The following MAP4K1 variants were observed in gnomAD, a reference collection of about 807,000 sequenced individuals.
The protein encoded by MAP4K1 is MAPK/ERK kinase kinase kinase 1.
In MAP4K1, 35 loss-of-function variants were observed where a neutral mutation model predicts 122.8. That is an observed-to-expected ratio of 0.29 (90% confidence interval 0.22 to 0.38). MAP4K1 has a LOEUF of 0.38. Among genes scored for constraint, MAP4K1 ranks in the 10% least tolerant of loss-of-function variants. The pLI is 1.00. For missense variants in MAP4K1, 791 were observed against 1,072.6 expected, an observed-to-expected ratio of 0.74 and a Z score of 3.67; for synonymous variants, 412 against 421.3, an observed-to-expected ratio of 0.98 and a Z score of 0.27.
rs776455319 is a variant in MAP4K1, at chr19:38,617,815, C to T, written c.81G>A (p.Thr27=). ...TCCTCACCTTAAAGACTTCCCCATA[C>T]GTGCCGCCACCCAGCCGCTGTAGCA... ...YDLLQRLGGG[T]YGEVFKARDK... Residue 27 remains threonine (T), a synonymous_variant, in exon 1 of 31, where the codon ACG becomes ACA. Transcript: ENST00000396857. The surrounding 1 kb of genome is among the most constrained non-coding windows in gnomAD (Gnocchi z 4.1). The T allele has an allele frequency of 2.5e-6, 4 of 1,614,104 alleles. No homozygotes were observed. Among genetic ancestry groups the T allele is most frequent in the South Asian group, 2.2e-5 (2 of 91,080 alleles).
At chr19:38,590,809 G>A (rs1015752310) in intron 30 of MAP4K1, among the ~76,000 whole-genome samples, 6 of 151,926 alleles carry the variant, frequency 3.9e-5, no homozygotes, top group Non-Finnish European at 7.4e-5. Context: ...TGAATTAGAA[G>A]GTTGTGATGT....
chr19:38,596,448 G>A lies in MAP4K1; in HGVS notation c.1980C>T (p.Phe660=), dbSNP rs1481216756. ...LFPLPTPLSV[F]ALLTGPGSEL... ...CAGAGCCTGGCCCGGTCAGCAGCGC[G>A]AACACGGACAGAGGCGTCGGCAGTG... Residue 660 remains phenylalanine, a synonymous_variant, in exon 26 of 31, where the codon TTC becomes TTT. Transcript: ENST00000396857. 2.5e-6 allele frequency: 4 copies of A among 1,585,996 alleles called. No homozygotes were observed. Among genetic ancestry groups the A allele is most frequent in the African/African-American group, 2.7e-5 (2 of 74,638 alleles).
intron 29 of MAP4K1, among the ~76,000 whole-genome samples, chr19:38,594,659 C>T (rs569879887): frequency 5.3e-5 from 8 of 149,898 alleles, no homozygotes; most frequent in Non-Finnish European, 7.4e-5. Flanking sequence ...ATAAAAATGG[C>T]CAGGAGTGGT....
intron 20 of MAP4K1, 108 bp from the exon 21 acceptor site, chr19:38,600,261 CTAT>C: frequency 1.1e-6 from 1 of 878,034 alleles, no homozygotes. Context: ...CTCTGACCCT[CTAT>C]TCTTTCTCCA....
intron 30 of MAP4K1, among the ~76,000 whole-genome samples, chr19:38,592,955 C>G (rs562858335): frequency 6.7e-6 from 1 of 149,156 alleles, no homozygotes; most frequent in East Asian, 1.9e-4. Flanking sequence ...AAAAGAATTG[C>G]TGGGCATGGT....
At position 38,612,758 on chromosome 19, in the gene MAP4K1, C is replaced by T. The variant is rs748568223; in HGVS notation, c.534-16G>A. Reference sequence around the variant, plus strand: ...CGGAGCCATCCTGGGGGCAGACACGCTCAGAGAGCCAGAGGTGGCATGGGG... The same window carrying T: ...CGGAGCCATCCTGGGGGCAGACACGTTCAGAGAGCCAGAGGTGGCATGGGG... On this transcript the variant is annotated splice_polypyrimidine_tract_variant and intron_variant, in intron 8 of 30. Coordinates refer to ENST00000396857, the MANE Select transcript of MAP4K1 (RefSeq NM_001042600.3). 2.5e-6 allele frequency: 4 copies of T among 1,611,600 alleles called. No individual in the cohort carries two copies. The highest frequency in any genetic ancestry group is 3.4e-6 in the Non-Finnish European group (4 of 1,179,022).
At position 38,617,429 on chromosome 19, in the gene MAP4K1, G is replaced by A. The variant is rs1205949069; in HGVS notation, c.173C>T (p.Thr58Ile). 1 of 1,612,928 alleles carries A rather than the reference G, an allele frequency of 6.2e-7. No homozygotes were observed. Among genetic ancestry groups the A allele is most frequent in the African/African-American group, 1.3e-5 (1 of 74,848 alleles). Reference protein sequence around the residue: ...VKMEPDDDVSTLQKEILILKT... With the variant: ...VKMEPDDDVSILQKEILILKT... The stretch of plus-strand genomic sequence containing the variant: ...CAATATGAGGATTTCCTTCTGAAGG[G>A]TGGAGACATCATCATCTGTGAGGAG... Residue 58 changes from threonine (T) to isoleucine (I), a missense_variant, in exon 3 of 31, where the codon ACC (threonine) becomes ATC (isoleucine). Physicochemically the swap from Thr to Ile is moderately conservative, Grantham distance 89. Coordinates refer to ENST00000396857, the MANE Select transcript of MAP4K1 (RefSeq NM_001042600.3). This position sits in a 1 kb window ranked among gnomAD's most constrained non-coding sequence, Gnocchi z 4.1.
At chr19:38,605,312 C>T in intron 19 of MAP4K1, 97 bp downstream of exon 19, 1 of 925,372 alleles carries the variant, frequency 1.1e-6, no homozygotes, top group Non-Finnish European at 1.7e-6. Context: ...ACAAATGTCA[C>T]CTGTTGTTAC....
intron 20 of MAP4K1, 87 bp downstream of exon 20, chr19:38,601,354 C>T (rs1599700988): frequency 8.1e-7 from 1 of 1,235,552 alleles, no homozygotes; most frequent in Non-Finnish European, 1.2e-6. Context: ...CCCGTCCCTG[C>T]CTTTGTGCCT....
At chr19:38,604,646 C>T (rs1454016969) in intron 19 of MAP4K1, among the ~76,000 whole-genome samples, 2 of 151,678 alleles carry the variant, frequency 1.3e-5, no homozygotes, top group East Asian at 1.9e-4. Context: ...AAAAATTAGC[C>T]GGGCCTGGTG....
chr19:38,595,987 C>A lies in MAP4K1; in HGVS notation c.2131G>T (p.Val711Leu). 1 of 1,613,994 alleles carries A rather than the reference C, an allele frequency of 6.2e-7. No homozygotes were observed. Among genetic ancestry groups the A allele is most frequent in the Non-Finnish European group, 8.5e-7 (1 of 1,179,974 alleles). ...GEMSTEHRGP[V>L]QVTQVEEDMV... ...TCTTCCTCTACCTGGGTCACCTGCA[C>A]GGGTCCCCTGTGCTCTGTTTGGGGG... Residue 711 changes from valine (V) to leucine (L), a missense_variant, in exon 27 of 31, where the codon GTG becomes TTG. By Grantham distance (32) the Val-to-Leu change is conservative. Transcript: ENST00000396857.
chr19:38,610,004 C>G lies in MAP4K1; in HGVS notation c.832G>C (p.Gly278Arg), dbSNP rs769637657. The G allele has an allele frequency of 1.9e-6, 3 of 1,614,060 alleles. No individual in the cohort carries two copies. The highest frequency in any genetic ancestry group is 2.5e-6 in the Non-Finnish European group (3 of 1,179,934). Residue 278 changes from glycine (G) to arginine (R), a missense_variant, in exon 12 of 31, where the codon GGG (glycine) becomes CGG (arginine). Gly to Arg is a moderately radical substitution (Grantham distance 125, BLOSUM62 -2). Coordinates refer to ENST00000396857, the MANE Select transcript of MAP4K1 (RefSeq NM_001042600.3). ...MLSHQLVSQP[G>R]LNRGLILDLL... ...TCCAGGATCAGGCCTCGATTCAGCC[C>G]AGGCTGGGATACCAGTTGATGCTGG...
intron 30 of MAP4K1, among the ~76,000 whole-genome samples, chr19:38,591,047 GGGCATGGT>G (rs1251064555): frequency 6.6e-6 from 1 of 151,650 alleles, no homozygotes; most frequent in Non-Finnish European, 1.5e-5. Context: ...AGAAGAGGCC[GGGCATGGT>G]GGCACATGCC....
chr19:38,610,330 C>T (rs1191594741), intron 11 of MAP4K1, among the ~76,000 whole-genome samples: 2 of 151,082 alleles, frequency 1.3e-5, no homozygotes, highest in Non-Finnish European at 2.9e-5. Context: ...CTCAGCCTCC[C>T]GAGTGGCTGT....
At chr19:38,587,857 A>C (rs751915440) in intron 30 of MAP4K1, 40 bp from the exon 31 acceptor site, 5 of 1,450,532 alleles carry the variant, frequency 3.4e-6, no homozygotes, top group Middle Eastern at 1.7e-4. Flanking sequence ...TTATTCATTC[A>C]TATGTTCATT....
intron 25 of MAP4K1, 105 bp downstream of exon 25, chr19:38,596,929 C>T: frequency 9.1e-7 from 1 of 1,098,886 alleles, no homozygotes; most frequent in Non-Finnish European, 1.4e-6. Flanking sequence ...GGGGCGGGGC[C>T]TCGACGGAGG....
At chr19:38,615,726 A>G (rs917520427) in intron 4 of MAP4K1, among the ~76,000 whole-genome samples, 4 of 152,088 alleles carry the variant, frequency 2.6e-5, no homozygotes, top group African/African-American at 9.7e-5. Flanking sequence ...TAGGGCTGGA[A>G]GGAATCAGAG....
At chr19:38,596,208 C>T (rs191700990) in intron 26 of MAP4K1, 104 bp downstream of exon 26, 2 of 1,436,632 alleles carry the variant, frequency 1.4e-6, no homozygotes, top group African/African-American at 1.4e-5. Flanking sequence ...CCTTCCAGCC[C>T]TTTCTCAGTC....
At chr19:38,610,816 A>G (rs1975473853) in intron 11 of MAP4K1, among the ~76,000 whole-genome samples, 1 of 151,980 alleles carries the variant, frequency 6.6e-6, no homozygotes, top group Non-Finnish European at 1.5e-5. Context: ...CACTCAGGAC[A>G]AGTCTTGAGT....
Sources: allele counts gnomAD v4.1 joint callset (sites outside exome capture counted in the v4.1 genomes callset), GRCh38; gene constraint gnomAD v4.1.1; non-coding constraint Gnocchi (gnomAD v3.1); transcripts MANE v1.5; gene names NCBI Gene and HGNC (gene_info 2026-07-23, HGNC 2026-07-21).